The following BEGAIN variants were observed in gnomAD, a reference collection of about 807,000 sequenced individuals.
BEGAIN encodes the protein brain-enriched guanylate kinase-associated protein.
In BEGAIN, 19 loss-of-function variants were observed where a neutral mutation model predicts 35.8. The observed-to-expected ratio is 0.53, with a 90% CI of 0.37 to 0.78. The LOEUF (loss-of-function observed/expected upper bound fraction) is 0.78. Ranked by LOEUF, BEGAIN falls within the 30% of genes least tolerant of loss-of-function variation. The probability of loss-of-function intolerance (pLI) is 0.00; values close to 1 mark genes in which losing one functional copy is unlikely to be tolerated. For synonymous variants in BEGAIN, 462 were observed against 388.6 expected (o/e 1.19, Z -2.22); for missense variants, 795 against 853.6 (o/e 0.93, Z 0.85).
At chr14:100,571,549 T>C (rs557488362) in intron 1 of BEGAIN, among the ~76,000 whole-genome samples, 1 of 152,312 alleles carries the variant, frequency 6.6e-6, no homozygotes, top group African/African-American at 2.4e-5. Flanking sequence ...ATTTGCAGTT[T>C]ATAGGCAAGA....
intron 2 of BEGAIN, among the ~76,000 whole-genome samples, chr14:100,551,999 G>A (rs542461570): frequency 6.6e-5 from 10 of 152,262 alleles, no homozygotes; most frequent in Non-Finnish European, 1.0e-4. Context: ...GGATGAGTGC[G>A]TTCGCTCGAG....
intron 2 of BEGAIN, among the ~76,000 whole-genome samples, chr14:100,560,630 C>T (rs192075988): frequency 3.9e-5 from 6 of 152,302 alleles, no homozygotes; most frequent in East Asian, 1.9e-4. Context: ...GCTGCTTCCC[C>T]GGTCCGGCCA....
chr14:100,538,626 G>A lies in BEGAIN; in HGVS notation c.1182C>T (p.Tyr394=). The part of the protein sequence containing the change: ...APGFGRTMSP[Y]PAETFRFPAS... ...CCGGGAAGCGGAAGGTCTCGGCCGG[G>A]TACGGTGACATGGTCCGCCCGAAGC... Residue 394 remains tyrosine, a synonymous_variant, in exon 7 of 7, where the codon TAC becomes TAT. Transcript: ENST00000554140. 6.5e-7 allele frequency: 1 copy of A among 1,550,036 alleles called. No individual in the cohort carries two copies. Among genetic ancestry groups the A allele is most frequent in the East Asian group, 2.4e-5 (1 of 41,250 alleles).
At chr14:100,574,243 T>C (rs1242889415) in intron 1 of BEGAIN, among the ~76,000 whole-genome samples, 1 of 152,166 alleles carries the variant, frequency 6.6e-6, no homozygotes, top group Non-Finnish European at 1.5e-5. Flanking sequence ...AAGTTGAGGA[T>C]CTGAACCCAG....
At chr14:100,542,069 C>A (rs2031709052) in intron 5 of BEGAIN, among the ~76,000 whole-genome samples, 1 of 152,194 alleles carries the variant, frequency 6.6e-6, no homozygotes, top group South Asian at 2.1e-4. Context: ...GACTAGTGTC[C>A]ACTTAGGTAA....
intron 2 of BEGAIN, among the ~76,000 whole-genome samples, chr14:100,564,327 A>C (rs1333619128): frequency 2.6e-5 from 4 of 152,056 alleles, no homozygotes; most frequent in African/African-American, 9.7e-5. Flanking sequence ...GACACCAAAC[A>C]GGAGTAGCTC....
intron 2 of BEGAIN, among the ~76,000 whole-genome samples, chr14:100,550,855 G>A (rs377218583): frequency 3.5e-4 from 54 of 152,294 alleles, no homozygotes; most frequent in African/African-American, 1.3e-3. Flanking sequence ...GGCGGGGGGC[G>A]CAGCAGCAGC....
In BEGAIN at chr14:100,570,791, G is replaced by T. The variant is rs78113322; in HGVS notation, c.43-2852C>A. 3.1e-3 allele frequency among the ~76,000 whole-genome samples: 468 copies of T among 152,248 alleles called. 8 individuals are homozygous for T. In the East Asian group the frequency reaches 0.062, roughly 20 times the overall value. On this transcript the variant is annotated intron_variant, in intron 1 of 6. Transcript: ENST00000554140. ...CACCCCGGGTGCAAGTTTTGATTCA[G>T]CCATTCATTGACCACAAGACTCGGT...
intron 2 of BEGAIN, among the ~76,000 whole-genome samples, chr14:100,553,905 C>T (rs565699007): frequency 1.3e-5 from 2 of 152,278 alleles, no homozygotes; most frequent in South Asian, 4.1e-4. Context: ...CACTGCCCTA[C>T]AAGTCTTGGT....
rs1406777851 is a variant in BEGAIN, at chr14:100,587,412, G to A, written c.-122C>T. 6.9e-6 allele frequency: 1 copy of A among 145,276 alleles called. No individual in the cohort carries two copies. Among genetic ancestry groups the A allele is most frequent in the Admixed American group, 6.8e-5 (1 of 14,664 alleles). 9.0% of individuals were successfully genotyped at this position (145,276 alleles called of 1,614,324 possible). On this transcript the variant is annotated 5_prime_UTR_variant, in exon 1 of 7. Transcript: ENST00000554140. ...CCCCCACCCCGCCCGGCTTCCCGCA[G>A]GGAGCGCCCGCCCCCCGCCCCCAGC...
intron 1 of BEGAIN, among the ~76,000 whole-genome samples, chr14:100,577,072 G>A (rs1189687612): frequency 6.6e-6 from 1 of 152,212 alleles, no homozygotes; most frequent in East Asian, 1.9e-4. Flanking sequence ...GCCGCAGTGG[G>A]GAGGGGATTA....
chr14:100,580,571 T>A (rs372698239), intron 1 of BEGAIN, among the ~76,000 whole-genome samples: 19 of 152,252 alleles, frequency 1.2e-4, no homozygotes, highest in African/African-American at 4.3e-4. Flanking sequence ...CTTCCCATCA[T>A]CTAATTCCCA....
At chr14:100,556,405 G>A (rs1190225550) in intron 2 of BEGAIN, among the ~76,000 whole-genome samples, 1 of 152,180 alleles carries the variant, frequency 6.6e-6, no homozygotes, top group Non-Finnish European at 1.5e-5. Flanking sequence ...GGGAGCCCTC[G>A]GAGGGTGGGC....
rs140616041 is a variant in BEGAIN at position 100,554,908 on chromosome 14, GGCCTTCGGGCTGT to G, written c.72-8259_72-8247del. Among the ~76,000 whole-genome samples, 339 of 152,332 alleles carry G rather than the reference GGCCTTCGGGCTGT, an allele frequency of 2.2e-3. 10 individuals carry two copies. In the East Asian group the frequency reaches 0.037, roughly 17 times the overall value. ...CCCCCACCTTCCCGCCAGGCACGCT[GGCCTTCGGGCTGT>G]GCACATGCCCCTGAGAGCCTGCCTT... On this transcript the variant is annotated intron_variant, in intron 2 of 6. Transcript: ENST00000554140.
At chr14:100,544,364 C>T (rs975513543) in intron 4 of BEGAIN, among the ~76,000 whole-genome samples, 1 of 152,182 alleles carries the variant, frequency 6.6e-6, no homozygotes, top group Non-Finnish European at 1.5e-5. Context: ...CCAGGCCCAG[C>T]CCCCAGGCCT....
At chr14:100,545,329 G>A in intron 3 of BEGAIN, 3 of 1,329,722 alleles carry the variant, frequency 2.3e-6, no homozygotes, top group Non-Finnish European at 2.9e-6. Flanking sequence ...AGATGGGAAG[G>A]GAAGGCTTGT....
intron 1 of BEGAIN, among the ~76,000 whole-genome samples, chr14:100,572,430 T>C (rs551686203): frequency 2.6e-5 from 4 of 152,246 alleles, no homozygotes; most frequent in African/African-American, 9.6e-5. Context: ...CTGTCCCAGC[T>C]CTGCCTCCGA....
chr14:100,572,915 G>C (rs772481813), intron 1 of BEGAIN, among the ~76,000 whole-genome samples: 14 of 152,130 alleles, frequency 9.2e-5, no homozygotes, highest in Admixed American at 2.6e-4. Context: ...CCTGTTCTGG[G>C]GGATTCAGCA....
intron 5 of BEGAIN, 144 bp downstream of exon 5, chr14:100,543,714 C>G: frequency 1.5e-6 from 1 of 655,306 alleles, no homozygotes; most frequent in South Asian, 1.8e-5. Flanking sequence ...CCACCTGTAC[C>G]CTGCACCAGC....
Sources: allele counts gnomAD v4.1 joint callset (sites outside exome capture counted in the v4.1 genomes callset), GRCh38; gene constraint gnomAD v4.1.1; transcripts MANE v1.5; gene names NCBI Gene and HGNC (gene_info 2026-07-23, HGNC 2026-07-21).